RNF43: variants seen among roughly 807,000 people sequenced by gnomAD.
RNF43 encodes the protein E3 ubiquitin-protein ligase RNF43.
A neutral mutation model predicts 78.4 loss-of-function variants in RNF43; 37 were observed. The ratio of observed to expected loss-of-function variants is 0.47; its 90% CI spans 0.36 to 0.62. The LOEUF is 0.62. Among genes scored for constraint, RNF43 ranks in the 20% least tolerant of loss-of-function variants. RNF43 has a pLI of 0.00. For synonymous variants in RNF43, 347 were observed against 395.0 expected, an observed-to-expected ratio of 0.88 and a Z score of 1.44; for missense variants, 774 against 1,007.9, an observed-to-expected ratio of 0.77 and a Z score of 3.14.
intron 2 of RNF43, among the ~76,000 whole-genome samples, chr17:58,383,111 C>T (rs1973356882): frequency 6.6e-6 from 1 of 152,010 alleles, no homozygotes; most frequent in African/African-American, 2.4e-5. Flanking sequence ...GAGGACTTGG[C>T]CCAGAGATCT....
chr17:58,369,784 G>A (rs1973040837), intron 3 of RNF43, among the ~76,000 whole-genome samples: 1 of 152,136 alleles, frequency 6.6e-6, no homozygotes, highest in Non-Finnish European at 1.5e-5. Context: ...TTTCCTGATT[G>A]TCCTGAAAAG....
chr17:58,375,025 C>A (rs1973178508), intron 2 of RNF43, among the ~76,000 whole-genome samples: 1 of 152,142 alleles, frequency 6.6e-6, no homozygotes, highest in Non-Finnish European at 1.5e-5. Flanking sequence ...AATATCCAAT[C>A]AATCGCCAAA....
intron 2 of RNF43, among the ~76,000 whole-genome samples, chr17:58,401,816 C>G (rs2632528): frequency 0.04 from 3,449 of 85,862 alleles, 128 homozygotes; most frequent in African/African-American, 0.16. Flanking sequence ...TCCATATATT[C>G]CTAGCATAAA....
Position 58,357,823 on chromosome 17 carries a change from G to T in RNF43, c.1953C>A (p.His651Gln), listed in dbSNP as rs759903059. Residue 651 changes from histidine (H) to glutamine (Q), a missense_variant, in exon 9 of 10, where the codon CAC (histidine) becomes CAA (glutamine). Transcript: ENST00000407977. This position sits in a 1 kb window ranked among gnomAD's most constrained non-coding sequence, Gnocchi z 4.5. Reference sequence around the variant, plus strand: ...GACCCCCCCGCCTTTTCCTCTGTGGGTGTCGGGCAGAGAGGCTGGATTTTT... The same window carrying T: ...GACCCCCCCGCCTTTTCCTCTGTGGTTGTCGGGCAGAGAGGCTGGATTTTT... ...NLQKSSLSAR[H>Q]PQRKRRGGPS... 7.4e-6 allele frequency: 12 copies of T among 1,614,068 alleles called. No homozygotes were observed. The highest frequency in any genetic ancestry group is 5.0e-5 in the Admixed American group (3 of 60,010).
rs919729695 is a variant in RNF43, at chr17:58,358,625, C to T, written c.1151G>A (p.Gly384Asp). The change falls in exon 9 of 10, where the codon GGC becomes GAC. Residue 384 changes from glycine (G) to aspartate (D), a missense_variant. Transcript: ENST00000407977. This position sits in a 1 kb window ranked among gnomAD's most constrained non-coding sequence, Gnocchi z 6.2. ...TCTGGGGAAGCGGTGATGCCGAGGGCCCATGCCTGGCTCCTGGGATGGCAG... is the reference window on the plus strand; with the variant it reads ...TCTGGGGAAGCGGTGATGCCGAGGGTCCATGCCTGGCTCCTGGGATGGCAG... ...PFLPSQEPGM[G>D]PRHHRFPRAA... is the part of the protein sequence containing the mutation. 1 of 1,548,936 alleles carries T rather than the reference C, an allele frequency of 6.5e-7. No homozygotes were observed.
chr17:58,415,246 T>C (rs571817070), intron 2 of RNF43, 80 bp downstream of exon 2: 5 of 1,463,856 alleles, frequency 3.4e-6, no homozygotes, highest in South Asian at 2.4e-5. Flanking sequence ...AGCCCGTGTA[T>C]GGTATTTCAT....
At chr17:58,384,208 TGA>T (rs1284339446) in intron 2 of RNF43, among the ~76,000 whole-genome samples, 1 of 152,250 alleles carries the variant, frequency 6.6e-6, no homozygotes, top group Non-Finnish European at 1.5e-5. Context: ...GGCTGATAAA[TGA>T]GAGAGGAATC....
In RNF43 at chr17:58,360,319, T is replaced by A; in HGVS notation, c.850-68A>T. 1 of 1,122,012 alleles carries A rather than the reference T, an allele frequency of 8.9e-7. No homozygotes were observed. Among genetic ancestry groups the A allele is most frequent in the Non-Finnish European group, 1.4e-6 (1 of 735,796 alleles). 69.5% of individuals were successfully genotyped at this position (1,122,012 alleles called of 1,614,324 possible). A position where few individuals can be genotyped will look rare whatever the true frequency, so the allele number is the denominator to read the frequency against. ...ATAGGAATTGCCAGGAATCAGGACA[T>A]CCCCCAACTCCCTTAGGCCTCTCCT... On this transcript the variant is annotated intron_variant, in intron 7 of 9. Coordinates refer to ENST00000407977, the MANE Select transcript of RNF43 (RefSeq NM_017763.6). The surrounding 1 kb of genome is among the most constrained non-coding windows in gnomAD (Gnocchi z 4.3).
intron 2 of RNF43, among the ~76,000 whole-genome samples, chr17:58,379,487 T>C (rs1282322549): frequency 6.6e-6 from 1 of 152,218 alleles, no homozygotes; most frequent in African/African-American, 2.4e-5. Context: ...ACCCAAGTAA[T>C]GGTCATTCAG....
Position 58,357,551 on chromosome 17 carries a change from T to A in RNF43, c.2225A>T (p.Glu742Val), listed in dbSNP as rs1972713015. 1.2e-6 allele frequency: 2 copies of A among 1,614,014 alleles called. No individual in the cohort carries two copies. Among genetic ancestry groups the A allele is most frequent in the African/African-American group, 2.7e-5 (2 of 74,916 alleles). The change falls in exon 9 of 10, where the codon GAG (glutamate) becomes GTG (valine). Residue 742 changes from glutamate (E) to valine (V), a missense_variant. Glu to Val is a moderately radical substitution (Grantham distance 121). Coordinates refer to ENST00000407977, the MANE Select transcript of RNF43 (RefSeq NM_017763.6). This position sits in a 1 kb window ranked among gnomAD's most constrained non-coding sequence, Gnocchi z 4.5. ...GTCAGAACTCCATTCAGAAGGCCCC[T>A]CCCCAGGTGGATGTGGTTCCAGGGG... ...RQPLEPHPPG[E>V]GPSEWSSDTA...
intron 2 of RNF43, among the ~76,000 whole-genome samples, chr17:58,410,842 A>G (rs1009590236): frequency 5.9e-5 from 9 of 152,218 alleles, no homozygotes; most frequent in African/African-American, 2.2e-4. Context: ...CTCTGGATCA[A>G]TCTCAGATAA....
chr17:58,398,680 T>C (rs1184011503), intron 2 of RNF43, among the ~76,000 whole-genome samples: 10 of 152,194 alleles, frequency 6.6e-5, no homozygotes, highest in Non-Finnish European at 2.9e-5. Context: ...TATTGCTCAG[T>C]ATCTCAAGAC....
chr17:58,357,016 C>G lies in RNF43; in HGVS notation c.2308+452G>C. 1.7e-6 allele frequency: 1 copy of G among 579,074 alleles called. No homozygotes were observed. 35.9% of individuals were successfully genotyped at this position (579,074 alleles called of 1,614,324 possible). A position where few individuals can be genotyped will look rare whatever the true frequency, so the allele number is the denominator to read the frequency against. ...TCACGCGATTCTCCTGCCTCAGCCT[C>G]CTGAGTAGCTGGGATTATAAGTGCC... On this transcript the variant is annotated intron_variant, in intron 9 of 9. Transcript: ENST00000407977. The surrounding 1 kb of genome is among the most constrained non-coding windows in gnomAD (Gnocchi z 4.5).
At chr17:58,399,154 C>T (rs1431755169) in intron 2 of RNF43, among the ~76,000 whole-genome samples, 3 of 152,166 alleles carry the variant, frequency 2.0e-5, no homozygotes, top group Non-Finnish European at 2.9e-5. Context: ...TTAATCATAA[C>T]AGGGAACAGG....
chr17:58,380,445 A>G (rs886252632), intron 2 of RNF43, among the ~76,000 whole-genome samples: 4 of 152,116 alleles, frequency 2.6e-5, no homozygotes, highest in African/African-American at 9.7e-5. Context: ...ACCTAACCCA[A>G]TGTGCTACTT....
Position 58,357,319 on chromosome 17 carries a change from G to A in RNF43, c.2308+149C>T, listed in dbSNP as rs761457716. On this transcript the variant is annotated intron_variant, in intron 9 of 9. Coordinates refer to ENST00000407977, the MANE Select transcript of RNF43 (RefSeq NM_017763.6). This position sits in a 1 kb window ranked among gnomAD's most constrained non-coding sequence, Gnocchi z 4.5. Reference sequence around the variant, plus strand: ...TCCTGCACTCTAGCCAGCATGATACGCTGTCCCGATGGTTAAGTATTTTGG... The same window carrying A: ...TCCTGCACTCTAGCCAGCATGATACACTGTCCCGATGGTTAAGTATTTTGG... 22 of 988,706 alleles carry A rather than the reference G, an allele frequency of 2.2e-5. No homozygotes were observed. The highest frequency in any genetic ancestry group is 5.3e-5 in the South Asian group (4 of 74,994). 61.2% of individuals were successfully genotyped at this position (988,706 alleles called of 1,614,324 possible).
At chr17:58,401,804 T>C (rs1010278478) in intron 2 of RNF43, among the ~76,000 whole-genome samples, 1 of 141,460 alleles carries the variant, frequency 7.1e-6, no homozygotes, top group Non-Finnish European at 1.5e-5. Context: ...CAGTGAATTT[T>C]ATCCATATAT....
chr17:58,364,686 C>T (rs538298893), intron 3 of RNF43, among the ~76,000 whole-genome samples: 82 of 152,318 alleles, frequency 5.4e-4, no homozygotes, highest in Non-Finnish European at 7.4e-4. Flanking sequence ...CCCTGGGCAC[C>T]GCCCCCCCTC....
Position 58,359,367 on chromosome 17 carries a change from C to T in RNF43, c.953-544G>A, listed in dbSNP as rs547605609. ...AATCCCAGCACTTGGGAGGACAAGG[C>T]GGGCGGGTCACAAGGTCAGGAGATC... On this transcript the variant is annotated intron_variant, in intron 8 of 9. Transcript: ENST00000407977. 1.1e-4 allele frequency among the ~76,000 whole-genome samples: 16 copies of T among 147,170 alleles called. No individual in the cohort carries two copies. In the South Asian group the frequency reaches 1.1e-3, roughly 10 times the overall value.
Sources: allele counts gnomAD v4.1 joint callset (sites outside exome capture counted in the v4.1 genomes callset), GRCh38; gene constraint gnomAD v4.1.1; non-coding constraint Gnocchi (gnomAD v3.1); transcripts MANE v1.5; gene names NCBI Gene and HGNC (gene_info 2026-07-23, HGNC 2026-07-21).